The following RNF111 variants were observed in gnomAD, a reference collection of about 807,000 sequenced individuals.
RNF111 encodes E3 ubiquitin-protein ligase Arkadia.
A neutral mutation model predicts 95.1 loss-of-function variants in RNF111; 17 were observed. The ratio of observed to expected loss-of-function variants is 0.18; its 90% CI spans 0.12 to 0.27. The LOEUF is 0.27. Ranked by LOEUF, RNF111 falls within the 10% of genes least tolerant of loss-of-function variation. The probability of loss-of-function intolerance (pLI) is 1.00; values close to 1 mark genes in which losing one functional copy is unlikely to be tolerated. For synonymous variants in RNF111, 440 were observed against 414.8 expected, an observed-to-expected ratio of 1.06 and a Z score of -0.74; for missense variants, 1,189 against 1,210.4, an observed-to-expected ratio of 0.98 and a Z score of 0.26.
At chr15:59,092,501 T>G in intron 12 of RNF111, 36 bp from the exon 13 acceptor site, 1 of 1,585,032 alleles carries the variant, frequency 6.3e-7, no homozygotes, top group Non-Finnish European at 8.6e-7. Flanking sequence ...TAATGTCATC[T>G]CTACTAATAA....
intron 1 of RNF111, among the ~76,000 whole-genome samples, chr15:59,005,819 A>T (rs2039516008): frequency 6.6e-6 from 1 of 152,230 alleles, no homozygotes; most frequent in Non-Finnish European, 1.5e-5. Context: ...AAAAGCTATC[A>T]TATGCATATG....
chr15:59,017,502 A>G (rs1028876130), intron 1 of RNF111, among the ~76,000 whole-genome samples: 6 of 152,208 alleles, frequency 3.9e-5, no homozygotes, highest in Non-Finnish European at 5.9e-5. Flanking sequence ...GTATATTTAT[A>G]AAAACATCAA....
At chr15:59,070,160 C>T (rs2042854974) in intron 6 of RNF111, among the ~76,000 whole-genome samples, 1 of 149,278 alleles carries the variant, frequency 6.7e-6, no homozygotes, top group Admixed American at 6.7e-5. Context: ...CAGGCATGTA[C>T]CACTGTGCCT....
intron 1 of RNF111, among the ~76,000 whole-genome samples, chr15:59,005,246 C>G (rs1402329857): frequency 6.6e-6 from 1 of 152,158 alleles, no homozygotes; most frequent in Non-Finnish European, 1.5e-5. Flanking sequence ...AGGCTGATCT[C>G]AAACTCCTGG....
chr15:59,071,854 C>A (rs1203107141), intron 6 of RNF111, among the ~76,000 whole-genome samples: 4 of 151,944 alleles, frequency 2.6e-5, no homozygotes, highest in African/African-American at 9.7e-5. Context: ...TCCAGACAAC[C>A]ACAATAAATA....
At chr15:59,065,237 C>T (rs920080815) in intron 5 of RNF111, among the ~76,000 whole-genome samples, 10 of 152,254 alleles carry the variant, frequency 6.6e-5, no homozygotes, top group Admixed American at 5.2e-4. Context: ...GTAATTTAAT[C>T]AGAAGCTTCA....
At chr15:59,002,457 C>T (rs973587352) in intron 1 of RNF111, among the ~76,000 whole-genome samples, 9 of 151,616 alleles carry the variant, frequency 5.9e-5, no homozygotes, top group African/African-American at 2.2e-4. Context: ...ATGGTAAATA[C>T]GGGAAGTACG....
chr15:59,069,179 A>G (rs1472041066), intron 6 of RNF111, among the ~76,000 whole-genome samples: 1 of 151,992 alleles, frequency 6.6e-6, no homozygotes, highest in Non-Finnish European at 1.5e-5. Flanking sequence ...GAGATTTTAG[A>G]TGTCATTTCG....
At chr15:59,032,426 TC>T (rs2040956889) in intron 2 of RNF111, among the ~76,000 whole-genome samples, 1 of 152,152 alleles carries the variant, frequency 6.6e-6, no homozygotes, top group Non-Finnish European at 1.5e-5. Context: ...TAATTTTTTT[TC>T]CTTTGTTTTT....
intron 5 of RNF111, among the ~76,000 whole-genome samples, chr15:59,059,141 A>T (rs1438907587): frequency 3.9e-5 from 6 of 152,114 alleles, no homozygotes; most frequent in Non-Finnish European, 7.4e-5. Context: ...AAAAAGTAAA[A>T]AGAAACAAAC....
rs78654663 is a variant in RNF111, at chr15:59,012,061, C to T, written c.-19-18743C>T. ...ATGGAGTCTCGCTCTGTCACCCAGG[C>T]GGGAATGCAGTGAGTGGTGCGATCT... On this transcript the variant is annotated intron_variant, in intron 1 of 13. Transcript: ENST00000348370. Among the ~76,000 whole-genome samples the T allele has an allele frequency of 9.5e-3, 1,116 of 117,946 alleles. 13 individuals are homozygous for T. The highest frequency in any genetic ancestry group is 0.034 in the African/African-American group (1,056 of 31,276). The allele number at this position is 117,946 out of a possible 152,430, so 77.4% of individuals were successfully genotyped here.
intron 2 of RNF111, among the ~76,000 whole-genome samples, chr15:59,036,677 G>A (rs1326558136): frequency 1.3e-5 from 2 of 152,066 alleles, no homozygotes; most frequent in African/African-American, 2.4e-5. Flanking sequence ...AAACCATATC[G>A]GTGCATCAAT....
chr15:59,018,684 G>GTT (rs1314822344), intron 1 of RNF111, among the ~76,000 whole-genome samples: 1 of 152,114 alleles, frequency 6.6e-6, no homozygotes, highest in African/African-American at 2.4e-5. Flanking sequence ...ATTAATATAA[G>GTT]TTGTTTTACG....
intron 1 of RNF111, among the ~76,000 whole-genome samples, chr15:58,997,149 T>C (rs1175675967): frequency 2.0e-5 from 3 of 152,132 alleles, no homozygotes; most frequent in Non-Finnish European, 4.4e-5. Flanking sequence ...GTACAAAGAA[T>C]GTACAGGGAA....
intron 2 of RNF111, among the ~76,000 whole-genome samples, chr15:59,041,092 C>T (rs1236471707): frequency 6.6e-6 from 1 of 151,998 alleles, no homozygotes; most frequent in Non-Finnish European, 1.5e-5. Context: ...TACAGAGATA[C>T]TGTAGAGGAA....
chr15:58,995,261 T>C (rs1404696200), intron 1 of RNF111, among the ~76,000 whole-genome samples: 4 of 152,220 alleles, frequency 2.6e-5, no homozygotes, highest in Non-Finnish European at 4.4e-5. Context: ...ATTTTGTAAC[T>C]CATCCATTTT....
intron 5 of RNF111, among the ~76,000 whole-genome samples, chr15:59,063,293 T>G (rs1183163027): frequency 6.6e-6 from 1 of 152,218 alleles, no homozygotes; most frequent in Non-Finnish European, 1.5e-5. Context: ...GCCAGGACTT[T>G]CATTTTCACC....
intron 2 of RNF111, among the ~76,000 whole-genome samples, chr15:59,047,223 C>G (rs951342858): frequency 6.6e-6 from 1 of 152,120 alleles, no homozygotes; most frequent in Admixed American, 6.6e-5. Flanking sequence ...AGGCTTGGCA[C>G]GGTGGCTCAC....
intron 13 of RNF111, among the ~76,000 whole-genome samples, chr15:59,093,195 A>G (rs1162294344): frequency 6.6e-6 from 1 of 152,180 alleles, no homozygotes; most frequent in Non-Finnish European, 1.5e-5. Flanking sequence ...TGGCCAGGGA[A>G]ATTTCGTAGT....
Sources: allele counts gnomAD v4.1 joint callset (sites outside exome capture counted in the v4.1 genomes callset), GRCh38; gene constraint gnomAD v4.1.1; transcripts MANE v1.5; gene names NCBI Gene and HGNC (gene_info 2026-07-23, HGNC 2026-07-21).